Variants in ZFYVE9 observed in about 807,000 individuals in gnomAD.
ZFYVE9 encodes zinc finger FYVE-type containing 9.
A neutral mutation model predicts 126.7 loss-of-function variants in ZFYVE9; 43 were observed. The ratio of observed to expected loss-of-function variants is 0.34; its 90% CI spans 0.27 to 0.44. The LOEUF (loss-of-function observed/expected upper bound fraction) is 0.44, where lower values mean the gene tolerates loss of function less well. ZFYVE9 is among the 20% of genes least tolerant of loss of function. ZFYVE9 has a pLI of 1.00. For missense variants in ZFYVE9, 1,476 were observed against 1,697.0 expected (o/e 0.87, Z 2.29); for synonymous variants, 521 against 597.4 (o/e 0.87, Z 1.87).
chr1:52,157,394 C>T (rs1308077819), intron 1 of ZFYVE9, among the ~76,000 whole-genome samples: 15 of 58,462 alleles, frequency 2.6e-4, no homozygotes, highest in South Asian at 9.6e-4. Context: ...ACCATATTCT[C>T]TTTTTTTTTT....
At chr1:52,324,679 T>G (rs1183824280) in intron 13 of ZFYVE9, among the ~76,000 whole-genome samples, 3 of 152,238 alleles carry the variant, frequency 2.0e-5, no homozygotes, top group Non-Finnish European at 4.4e-5. Context: ...TCCTGTCCTC[T>G]GAATTGTGAG....
chr1:52,295,256 T>C (rs936024037), intron 11 of ZFYVE9, among the ~76,000 whole-genome samples: 1 of 152,138 alleles, frequency 6.6e-6, no homozygotes, highest in Non-Finnish European at 1.5e-5. Context: ...CTTAAACTTA[T>C]TGAGCACAGA....
rs367985936 is a variant in ZFYVE9 at position 52,155,524 on chromosome 1, A to G, written c.-143+13121A>G. On this transcript the variant is annotated intron_variant, in intron 1 of 18. Transcript: ENST00000287727. ...GCTGGGATTACAGGCGTGAGCCACC[A>G]CGCCCGGCCACAGGAGCTGTTTTTC... Among the ~76,000 whole-genome samples the G allele has an allele frequency of 8.4e-4, 127 of 151,984 alleles. 1 individual carries two copies. The East Asian group carries it at 0.022, about 26-fold the overall frequency.
At chr1:52,173,118 G>A (rs1467189515) in intron 1 of ZFYVE9, among the ~76,000 whole-genome samples, 2 of 151,898 alleles carry the variant, frequency 1.3e-5, no homozygotes, top group Non-Finnish European at 2.9e-5. Context: ...TGCCCATTCA[G>A]TATGATATTG....
intron 13 of ZFYVE9, among the ~76,000 whole-genome samples, chr1:52,331,019 A>T (rs1000545386): frequency 6.6e-6 from 1 of 152,040 alleles, no homozygotes; most frequent in Admixed American, 6.5e-5. Context: ...GGCACCCGCC[A>T]CCACACCCAG....
rs749151241 is a variant in ZFYVE9, at chr1:52,263,768, C to A, written c.2179-5C>A. On this transcript the variant is annotated splice_polypyrimidine_tract_variant and splice_region_variant and intron_variant, in intron 4 of 18. Coordinates refer to ENST00000287727, the MANE Select transcript of ZFYVE9 (RefSeq NM_004799.4). ...TGTGTGTTCTTCCCCCCCCCCCCCC[C>A]ACAGGTTTTCTGTGCTTCCTGCTGT... 478 of 1,203,884 alleles carry A rather than the reference C, an allele frequency of 4.0e-4. 3 individuals carry two copies. In the Middle Eastern group the frequency reaches 4.6e-3, roughly 12 times the overall value. The allele number at this position is 1,203,884 out of a possible 1,614,324, so 74.6% of individuals were successfully genotyped here. A position where few individuals can be genotyped will look rare whatever the true frequency, so the allele number is the denominator to read the frequency against.
intron 7 of ZFYVE9, among the ~76,000 whole-genome samples, chr1:52,272,613 CCATT>C (rs1414768850): frequency 1.3e-5 from 2 of 151,548 alleles, no homozygotes; most frequent in African/African-American, 4.9e-5. Flanking sequence ...CTGTTAGTGG[CCATT>C]CAAATTGTTT....
chr1:52,222,598 A>C (rs1324281652), intron 2 of ZFYVE9, among the ~76,000 whole-genome samples: 1 of 152,210 alleles, frequency 6.6e-6, no homozygotes, highest in Non-Finnish European at 1.5e-5. Flanking sequence ...TACAGGGTTC[A>C]AGGAGTCCAT....
chr1:52,197,591 T>G (rs1251334225), intron 1 of ZFYVE9, among the ~76,000 whole-genome samples: 1 of 132,266 alleles, frequency 7.6e-6, no homozygotes, highest in Non-Finnish European at 1.6e-5. Context: ...AGATGAGAGA[T>G]AGATGTCAAA....
At chr1:52,243,710 T>G (rs1645357295) in intron 4 of ZFYVE9, among the ~76,000 whole-genome samples, 1 of 151,532 alleles carries the variant, frequency 6.6e-6, no homozygotes, top group Non-Finnish European at 1.5e-5. Context: ...ATCATGTCTA[T>G]GAATAGCCAC....
At chr1:52,182,128 G>C (rs999747438) in intron 1 of ZFYVE9, among the ~76,000 whole-genome samples, 8 of 151,808 alleles carry the variant, frequency 5.3e-5, no homozygotes, top group African/African-American at 1.9e-4. Context: ...GAGAGAGGTG[G>C]GGGGTCAGCC....
At chr1:52,231,892 G>C (rs991161108) in intron 2 of ZFYVE9, among the ~76,000 whole-genome samples, 9 of 152,114 alleles carry the variant, frequency 5.9e-5, no homozygotes, top group African/African-American at 2.2e-4. Context: ...CTTGCAAAGT[G>C]CTGGAATTAC....
At chr1:52,153,413 T>G (rs1027428004) in intron 1 of ZFYVE9, among the ~76,000 whole-genome samples, 5 of 152,184 alleles carry the variant, frequency 3.3e-5, no homozygotes, top group Middle Eastern at 3.2e-3. Flanking sequence ...CAGCTATCAT[T>G]TCTGCTGGTG....
chr1:52,239,682 A>G (rs1013006391), intron 4 of ZFYVE9, 87 bp downstream of exon 4: 3 of 1,434,834 alleles, frequency 2.1e-6, no homozygotes, highest in South Asian at 1.5e-5. Flanking sequence ...TAAGGTGAAT[A>G]TATGTCTGGT....
chr1:52,343,609 A>C (rs1646459482), intron 17 of ZFYVE9, among the ~76,000 whole-genome samples: 1 of 151,314 alleles, frequency 6.6e-6, no homozygotes, highest in South Asian at 2.1e-4. Context: ...TATAAAAATT[A>C]GCCAGGTGTG....
intron 2 of ZFYVE9, among the ~76,000 whole-genome samples, chr1:52,225,229 C>T (rs192443853): frequency 9.9e-5 from 15 of 152,234 alleles, no homozygotes; most frequent in South Asian, 2.1e-4. Context: ...GCTGAGAGTC[C>T]GGATTTATTC....
At chr1:52,151,546 C>T (rs1644356591) in intron 1 of ZFYVE9, among the ~76,000 whole-genome samples, 3 of 149,292 alleles carry the variant, frequency 2.0e-5, no homozygotes, top group Non-Finnish European at 3.0e-5. Context: ...GATGGGGTCT[C>T]GCTCTGTCAT....
chr1:52,237,894 A>G lies in ZFYVE9; in HGVS notation c.477A>G (p.Lys159=). 1 of 1,614,048 alleles carries G rather than the reference A, an allele frequency of 6.2e-7. No individual in the cohort carries two copies. The highest frequency in any genetic ancestry group is 8.5e-7 in the Non-Finnish European group (1 of 1,179,952). ...TAGCCGTCATGCATAACTGTGATAAAAGGACATTACAAAACGATTTACAGG... is the reference window on the plus strand; with the variant it reads ...TAGCCGTCATGCATAACTGTGATAAGAGGACATTACAAAACGATTTACAGG... The part of the protein sequence containing the change: ...LVVAVMHNCD[K]RTLQNDLQDC... The change falls in exon 4 of 19, where the codon AAA becomes AAG. Residue 159 remains lysine (K), a synonymous_variant. Coordinates refer to ENST00000287727, the MANE Select transcript of ZFYVE9 (RefSeq NM_004799.4).
At chr1:52,276,761 C>T (rs984464650) in intron 8 of ZFYVE9, among the ~76,000 whole-genome samples, 3 of 152,182 alleles carry the variant, frequency 2.0e-5, no homozygotes, top group African/African-American at 7.2e-5. Context: ...TGATTTGCTT[C>T]ATTATCTCTG....
Sources: allele counts gnomAD v4.1 joint callset (sites outside exome capture counted in the v4.1 genomes callset), GRCh38; gene constraint gnomAD v4.1.1; transcripts MANE v1.5; gene names NCBI Gene and HGNC (gene_info 2026-07-23, HGNC 2026-07-21).